Variants in BTD observed in about 807,000 individuals in gnomAD.
BTD encodes biotinidase.
BTD carries 13 observed loss-of-function variants against 17.7 expected under a neutral mutation model. The ratio of observed to expected loss-of-function variants is 0.74; its 90% CI spans 0.48 to 1.17. The LOEUF is 1.17. Ranked by LOEUF, BTD falls within the 50% of genes most tolerant of loss-of-function variation. The pLI is 0.00. For missense variants in BTD, 674 were observed against 650.4 expected (o/e 1.04, Z -0.39); for synonymous variants, 240 against 245.2 (o/e 0.98, Z 0.20).
At chr3:15,699,333 C>G (rs943832821) in intron 3 of BTD, among the ~76,000 whole-genome samples, 2 of 152,134 alleles carry the variant, frequency 1.3e-5, no homozygotes, top group African/African-American at 4.8e-5. Flanking sequence ...TAGGCATGGG[C>G]AAAGACTTCA....
intron 3 of BTD, chr3:15,708,208 G>C (rs2071730507): frequency 2.2e-6 from 2 of 908,978 alleles, no homozygotes; most frequent in South Asian, 1.9e-5. Context: ...TCTTGCGGAG[G>C]ACTGGACATA....
At position 15,648,396 on chromosome 3, in the gene BTD, A is replaced by G. The variant is rs532726041; in HGVS notation, c.*2908A>G. Reference sequence around the variant, plus strand: ...CCATGTTCCTTCTCAGGCCAGAGAAAGGTCCTGGTCTCCTGGCTTCAGTCT... The same window carrying G: ...CCATGTTCCTTCTCAGGCCAGAGAAGGGTCCTGGTCTCCTGGCTTCAGTCT... On this transcript the variant is annotated 3_prime_UTR_variant, in exon 4 of 4. Transcript: ENST00000643237. 1.3e-5 allele frequency among the ~76,000 whole-genome samples: 2 copies of G among 152,342 alleles called. No homozygotes were observed. Among genetic ancestry groups the G allele is most frequent in the East Asian group, 1.9e-4 (1 of 5,188 alleles).
At chr3:15,678,586 GATTA>G (rs555008560) in intron 3 of BTD, among the ~76,000 whole-genome samples, 100 of 152,212 alleles carry the variant, frequency 6.6e-4, no homozygotes, top group Non-Finnish European at 1.1e-3. Context: ...ATGAAGTAAA[GATTA>G]ATTACAAAAT....
chr3:15,639,277 T>C (rs764297714), intron 2 of BTD, among the ~76,000 whole-genome samples: 2 of 115,258 alleles, frequency 1.7e-5, no homozygotes, highest in Non-Finnish European at 3.3e-5. Flanking sequence ...TTAAATGTTA[T>C]TCTCCATGAA....
rs978947485 is a variant in BTD at position 15,606,079 on chromosome 3, T to A, written c.-17+4185T>A. Among the ~76,000 whole-genome samples, 23 of 144,794 alleles carry A rather than the reference T, an allele frequency of 1.6e-4. 1 individual carries two copies. Among genetic ancestry groups the A allele is most frequent in the Admixed American group, 1.1e-3 (16 of 14,634 alleles). 95.0% of individuals were successfully genotyped at this position (144,794 alleles called of 152,430 possible). ...AAAAAAAAAAAAAGATGTGAAATCA[T>A]CTTTGCACTTTGAGTAGTCCTTGAC... On this transcript the variant is annotated intron_variant, in intron 1 of 3. Coordinates refer to ENST00000643237, the MANE Select transcript of BTD (RefSeq NM_001370658.1).
downstream of BTD, among the ~76,000 whole-genome samples, chr3:15,654,189 A>T (rs77629173): frequency 0.014 from 2,110 of 152,344 alleles, 24 homozygotes; most frequent in Middle Eastern, 0.034. Context: ...TTAAAAATGT[A>T]AAAGGCCAGT....
chr3:15,707,120 AT>A (rs2071546766), intron 3 of BTD, among the ~76,000 whole-genome samples: 1 of 152,214 alleles, frequency 6.6e-6, no homozygotes, highest in Non-Finnish European at 1.5e-5. Context: ...TATGAAGTAC[AT>A]TTTATAACAT....
At chr3:15,618,399 G>T (rs1183574006) in intron 1 of BTD, among the ~76,000 whole-genome samples, 1 of 152,178 alleles carries the variant, frequency 6.6e-6, no homozygotes. Flanking sequence ...CATTTATTTA[G>T]TGCTGCTTTG....
At chr3:15,601,706 C>T, upstream of BTD, 1 of 1,561,380 alleles carries the variant, frequency 6.4e-7, no homozygotes, top group Non-Finnish European at 8.7e-7. Flanking sequence ...TCGGCTCCTC[C>T]ATTCGCGCGC....
chr3:15,644,736 A>T lies in BTD; in HGVS notation c.820A>T (p.Ile274Phe). 1 of 1,614,190 alleles carries T rather than the reference A, an allele frequency of 6.2e-7. No individual in the cohort carries two copies. The highest frequency in any genetic ancestry group is 8.5e-7 in the Non-Finnish European group (1 of 1,180,038). The change falls in exon 4 of 4, where the codon ATC becomes TTC. Residue 274 changes from isoleucine to phenylalanine, a missense_variant. Physicochemically the swap from Ile to Phe is conservative, Grantham distance 21 (BLOSUM62 0). Transcript: ENST00000643237. ...IQKAFAVAFG[I>F]NVLAANVHHP... Reference sequence around the variant, plus strand: ...GAAAGCTTTTGCTGTTGCCTTTGGCATCAACGTTCTGGCAGCTAATGTCCA... The same window carrying T: ...GAAAGCTTTTGCTGTTGCCTTTGGCTTCAACGTTCTGGCAGCTAATGTCCA...
At chr3:15,719,101 G>C (rs891207717) in intron 4 of BTD, among the ~76,000 whole-genome samples, 13 of 152,114 alleles carry the variant, frequency 8.5e-5, no homozygotes, top group Non-Finnish European at 1.8e-4. Flanking sequence ...AGATGGTTTA[G>C]CTCTAATCAT....
chr3:15,679,855 AAAAC>A (rs1465724542), intron 3 of BTD, among the ~76,000 whole-genome samples: 2 of 152,170 alleles, frequency 1.3e-5, no homozygotes, highest in African/African-American at 4.8e-5. Context: ...GGGGAAAAAA[AAAAC>A]AGAGCAGACT....
At chr3:15,682,136 T>C (rs1033571435) in intron 3 of BTD, among the ~76,000 whole-genome samples, 1 of 152,182 alleles carries the variant, frequency 6.6e-6, no homozygotes, top group Non-Finnish European at 1.5e-5. Flanking sequence ...TTAAATTAGC[T>C]ATGAAGAGAT....
exon 4 of BTD, chr3:15,711,367 C>A: frequency 2.9e-6 from 3 of 1,035,262 alleles, no homozygotes; most frequent in Non-Finnish European, 2.9e-6. Context: ...TCCTCCCCTC[C>A]AATCCCAAAC....
intron 1 of BTD, among the ~76,000 whole-genome samples, chr3:15,618,827 T>C (rs1433719040): frequency 6.6e-6 from 1 of 152,210 alleles, no homozygotes; most frequent in Admixed American, 6.5e-5. Flanking sequence ...GCCCAGCCAA[T>C]AGTATTATGT....
At chr3:15,713,442 T>C, downstream of BTD, 1 of 1,024,118 alleles carries the variant, frequency 9.8e-7, no homozygotes, top group Admixed American at 2.4e-5. Context: ...AAATCCACAT[T>C]TCCACGTGAA....
In BTD at chr3:15,651,172, G is replaced by A. The variant is rs1464237093; in HGVS notation, c.*5684G>A. The stretch of plus-strand genomic sequence containing the variant: ...CTGAAATTCATGGATTGAGGGGTGG[G>A]GACTGTTTCCCAGGGGAACACTGGG... On this transcript the variant is annotated 3_prime_UTR_variant, in exon 4 of 4. Transcript: ENST00000643237. Among the ~76,000 whole-genome samples the A allele has an allele frequency of 6.6e-6, 1 of 152,194 alleles. No individual in the cohort carries two copies. The highest frequency in any genetic ancestry group is 1.5e-5 in the Non-Finnish European group (1 of 68,040).
At chr3:15,617,590 GT>G (rs1458542916) in intron 1 of BTD, among the ~76,000 whole-genome samples, 1 of 152,176 alleles carries the variant, frequency 6.6e-6, no homozygotes, top group Non-Finnish European at 1.5e-5. Flanking sequence ...ATAGCCTGGT[GT>G]GCAGTGGTAC....
At chr3:15,664,847 G>A (rs937042712) in intron 3 of BTD, among the ~76,000 whole-genome samples, 1 of 152,072 alleles carries the variant, frequency 6.6e-6, no homozygotes, top group African/African-American at 2.4e-5. Flanking sequence ...AGACACTAGG[G>A]CCCACTTGAG....
Sources: gnomAD v4.1 joint callset for allele counts (sites outside exome capture counted in the v4.1 genomes callset) on GRCh38, gnomAD v4.1.1 for gene constraint, MANE v1.5 for transcripts, NCBI Gene and HGNC (gene_info 2026-07-23, HGNC 2026-07-21) for gene names.